Variants in AKT3 observed in about 807,000 individuals in gnomAD.
The protein encoded by AKT3 is AKT serine/threonine kinase 3.
AKT3 carries 15 observed loss-of-function variants against 65.3 expected under a neutral mutation model. That is an observed-to-expected ratio of 0.23 (90% CI 0.15 to 0.35). The LOEUF is 0.35. AKT3 is among the 10% of genes least tolerant of loss of function. AKT3 has a pLI of 1.00. For missense variants in AKT3, 243 were observed against 576.5 expected (o/e 0.42, Z 5.92); for synonymous variants, 206 against 183.8 (o/e 1.12, Z -0.98).
chr1:243,499,456 A>G (rs991562232), downstream of AKT3, among the ~76,000 whole-genome samples: 6 of 152,220 alleles, frequency 3.9e-5, no homozygotes, highest in East Asian at 9.6e-4. Flanking sequence ...GACAGAAGAG[A>G]TGGCTCTCTG....
intron 8 of AKT3, among the ~76,000 whole-genome samples, chr1:243,579,447 G>T (rs1337206559): frequency 6.6e-6 from 1 of 152,106 alleles, no homozygotes; most frequent in Non-Finnish European, 1.5e-5. Context: ...AAGGAAGCAA[G>T]ACTACAAGAA....
intron 2 of AKT3, among the ~76,000 whole-genome samples, chr1:243,700,572 T>G (rs987238479): frequency 2.0e-5 from 3 of 151,602 alleles, no homozygotes; most frequent in Non-Finnish European, 2.9e-5. Flanking sequence ...GGTGCAATCT[T>G]GGCTCACTGC....
chr1:243,520,630 T>C lies in AKT3; in HGVS notation c.1252-8204A>G, dbSNP rs552715961. Among the ~76,000 whole-genome samples, 34 of 152,362 alleles carry C rather than the reference T, an allele frequency of 2.2e-4. No individual in the cohort carries two copies. In the East Asian group the frequency reaches 5.8e-3, roughly 26 times the overall value. ...AATGAACAGCTATAGTGTCATTAAC[T>C]GCAAACAACATATTTTTCTGACAAA... On this transcript the variant is annotated intron_variant, in intron 12 of 13. Transcript: ENST00000673466.
At chr1:243,800,949 G>T (rs1692345300) in intron 2 of AKT3, among the ~76,000 whole-genome samples, 1 of 152,096 alleles carries the variant, frequency 6.6e-6, no homozygotes, top group African/African-American at 2.4e-5. Flanking sequence ...CTGAAAGTGG[G>T]TTCAGTAGGG....
chr1:243,508,982 C>T (rs1331238637), intron 13 of AKT3, among the ~76,000 whole-genome samples: 2 of 152,076 alleles, frequency 1.3e-5, no homozygotes, highest in Non-Finnish European at 2.9e-5. Context: ...AAAAGCCAGA[C>T]TTTTGTGGTC....
At chr1:243,842,330 G>A (rs546007314) in intron 2 of AKT3, among the ~76,000 whole-genome samples, 1 of 152,192 alleles carries the variant, frequency 6.6e-6, no homozygotes, top group South Asian at 2.1e-4. Context: ...TCTGAGAATG[G>A]AACAGTCCTC....
At chr1:243,687,882 T>C (rs1307286491) in intron 3 of AKT3, 2 of 152,156 alleles carry the variant, frequency 1.3e-5, no homozygotes, top group African/African-American at 4.8e-5. Context: ...CCTATGAAAA[T>C]AGAAGCGAGA....
At chr1:243,706,048 CCTTAT>C (rs1685777059) in intron 2 of AKT3, among the ~76,000 whole-genome samples, 1 of 152,118 alleles carries the variant, frequency 6.6e-6, no homozygotes, top group African/African-American at 2.4e-5. Context: ...CATTTTACCA[CCTTAT>C]ATTATCTAAA....
At chr1:243,731,983 A>G (rs1408983145) in intron 2 of AKT3, among the ~76,000 whole-genome samples, 1 of 152,228 alleles carries the variant, frequency 6.6e-6, no homozygotes, top group East Asian at 1.9e-4. Context: ...TCATATTCAC[A>G]TGCCATCTAC....
intron 7 of AKT3, among the ~76,000 whole-genome samples, chr1:243,614,310 G>C (rs1678125710): frequency 6.6e-6 from 1 of 152,110 alleles, no homozygotes; most frequent in African/African-American, 2.4e-5. Flanking sequence ...AGTAAGTCTA[G>C]GTATCTACTG....
chr1:243,690,235 G>A (rs933327594), intron 3 of AKT3, among the ~76,000 whole-genome samples: 5 of 152,016 alleles, frequency 3.3e-5, no homozygotes, highest in South Asian at 4.2e-4. Flanking sequence ...AAATGCACAC[G>A]TCCTCCATGT....
At chr1:243,552,657 T>C (rs893361876) in intron 11 of AKT3, 72 bp downstream of exon 11, 1 of 1,372,744 alleles carries the variant, frequency 7.3e-7, no homozygotes, top group African/African-American at 1.4e-5. Context: ...TTAGTTATAT[T>C]TGAATTAATT....
chr1:243,831,482 G>A (rs761508247), intron 2 of AKT3, among the ~76,000 whole-genome samples: 9 of 152,254 alleles, frequency 5.9e-5, no homozygotes, highest in East Asian at 1.9e-4. Context: ...ATGCCAAGCC[G>A]AAAAACTAGC....
chr1:243,607,746 TC>T (rs1464171517), intron 8 of AKT3, among the ~76,000 whole-genome samples: 1 of 152,126 alleles, frequency 6.6e-6, no homozygotes, highest in African/African-American at 2.4e-5. Context: ...ATAGTTTGTG[TC>T]CCCACCCAAA....
At chr1:243,806,851 A>C (rs975916569) in intron 2 of AKT3, among the ~76,000 whole-genome samples, 6 of 152,230 alleles carry the variant, frequency 3.9e-5, no homozygotes, top group African/African-American at 1.4e-4. Context: ...TAAAAAGAAA[A>C]GGCAAGAGTG....
chr1:243,609,666 A>G (rs562028839), intron 8 of AKT3, among the ~76,000 whole-genome samples: 6 of 152,298 alleles, frequency 3.9e-5, no homozygotes, highest in African/African-American at 1.2e-4. Context: ...GAATCAGTTC[A>G]CTTGCTTCAA....
At chr1:243,849,319 C>T (rs1302992086) in intron 1 of AKT3, among the ~76,000 whole-genome samples, 1 of 152,148 alleles carries the variant, frequency 6.6e-6, no homozygotes, top group Non-Finnish European at 1.5e-5. Context: ...ACACAACTCC[C>T]AAGCGGATCA....
At chr1:243,683,032 A>G (rs1684032176) in intron 3 of AKT3, among the ~76,000 whole-genome samples, 1 of 152,194 alleles carries the variant, frequency 6.6e-6, no homozygotes, top group South Asian at 2.1e-4. Context: ...TTTAAAGCCA[A>G]GGGCTAGATC....
intron 11 of AKT3, chr1:243,547,933 G>C (rs1271170105): frequency 6.6e-6 from 1 of 152,288 alleles, no homozygotes; most frequent in Non-Finnish European, 1.5e-5. Context: ...TTCGATGTTT[G>C]CATTTGGAAT....
Sources: allele counts gnomAD v4.1 joint callset (sites outside exome capture counted in the v4.1 genomes callset), GRCh38; gene constraint gnomAD v4.1.1; transcripts MANE v1.5; gene names NCBI Gene and HGNC (gene_info 2026-07-23, HGNC 2026-07-21).